FBXW8: variants seen among roughly 807,000 people sequenced by gnomAD.
FBXW8 encodes F-box and WD repeat domain containing 8.
Under a neutral mutation model 65.3 loss-of-function variants are expected in FBXW8, and 57 were observed. The observed-to-expected ratio is 0.87, with a 90% CI of 0.71 to 1.09. The LOEUF is 1.09. Ranked by LOEUF, FBXW8 falls within the 50% of genes least tolerant of loss-of-function variation. The pLI is 0.00. For synonymous variants in FBXW8, 308 were observed against 330.2 expected (o/e 0.93, Z 0.73); for missense variants, 777 against 814.8 (o/e 0.95, Z 0.57).
intron 8 of FBXW8, among the ~76,000 whole-genome samples, chr12:117,010,677 C>A (rs1370365142): frequency 2.6e-5 from 4 of 152,222 alleles, no homozygotes; most frequent in Non-Finnish European, 5.9e-5. Flanking sequence ...GGAAGGTTTT[C>A]TTTTAAGCCA....
At chr12:116,969,692 C>T (rs961429058) in intron 5 of FBXW8, among the ~76,000 whole-genome samples, 2 of 151,662 alleles carry the variant, frequency 1.3e-5, no homozygotes, top group Admixed American at 6.6e-5. Context: ...ATTGAAACGC[C>T]CTCGCTGGTC....
At chr12:116,967,261 A>G (rs1452168772) in intron 5 of FBXW8, among the ~76,000 whole-genome samples, 1 of 151,586 alleles carries the variant, frequency 6.6e-6, no homozygotes, top group Non-Finnish European at 1.5e-5. Flanking sequence ...GTAGTACTGC[A>G]TTATGTGGCT....
intron 7 of FBXW8, among the ~76,000 whole-genome samples, chr12:116,996,918 G>A (rs1026674668): frequency 2.2e-4 from 34 of 152,162 alleles, no homozygotes; most frequent in Non-Finnish European, 1.9e-4. Flanking sequence ...GCGACTTGGC[G>A]ATGTAAAGGA....
intron 8 of FBXW8, among the ~76,000 whole-genome samples, chr12:117,016,821 A>G (rs916330327): frequency 6.6e-6 from 1 of 152,208 alleles, no homozygotes; most frequent in African/African-American, 2.4e-5. Context: ...GGTGTGAGGT[A>G]GAGACCTAAA....
chr12:116,949,400 G>A (rs1883125321), intron 3 of FBXW8: 1 of 559,694 alleles, frequency 1.8e-6, no homozygotes, highest in Non-Finnish European at 3.2e-6. Flanking sequence ...CTGTGTCCTC[G>A]AGTTCAGTGC....
rs373302070 is a variant in FBXW8 at position 116,922,654 on chromosome 12, T to G, written c.319-5369T>G. Among the ~76,000 whole-genome samples the G allele has an allele frequency of 8.4e-4, 128 of 152,340 alleles. No homozygotes were observed. In the East Asian group the frequency reaches 0.018, roughly 22 times the overall value. ...ATCCATTTACAGAATTAGTCTTACATTAGCACATAGGAATACAAATCAGCC... is the reference window on the plus strand; with the variant it reads ...ATCCATTTACAGAATTAGTCTTACAGTAGCACATAGGAATACAAATCAGCC... On this transcript the variant is annotated intron_variant, in intron 1 of 10. Coordinates refer to ENST00000652555, the MANE Select transcript of FBXW8 (RefSeq NM_153348.3).
rs201378141 is a variant in FBXW8, at chr12:116,992,444, CTA to C, written c.1239+3577_1239+3578del. On this transcript the variant is annotated intron_variant, in intron 7 of 10. Transcript: ENST00000652555. ...AGTTTTGTTTTTTTTTTAATTCGTT[CTA>C]TTTCAGTAGCTTTAGAGGGGTAGAA... 3.0e-3 allele frequency among the ~76,000 whole-genome samples: 430 copies of C among 144,926 alleles called. 8 individuals are homozygous for C. The highest frequency in any genetic ancestry group is 0.024 in the Admixed American group (345 of 14,678).
intron 3 of FBXW8, 21 bp from the exon 4 acceptor site, chr12:116,949,597 A>G (rs1218934582): frequency 1.2e-6 from 2 of 1,612,878 alleles, no homozygotes; most frequent in East Asian, 2.2e-5. Flanking sequence ...TCTAAACTGC[A>G]TCCCCCTTTT....
intron 5 of FBXW8, chr12:116,978,641 G>T (rs561374456): frequency 1.3e-5 from 2 of 152,300 alleles, no homozygotes; most frequent in South Asian, 4.1e-4. Flanking sequence ...AGCTCAAGAG[G>T]ATGGGAGCTC....
chr12:116,935,935 T>C (rs773988379), intron 2 of FBXW8, among the ~76,000 whole-genome samples: 2 of 152,248 alleles, frequency 1.3e-5, no homozygotes, highest in African/African-American at 4.8e-5. Flanking sequence ...TGGTTATTTA[T>C]ATAGAGCTGA....
At chr12:116,970,471 A>C (rs1272817408) in intron 5 of FBXW8, among the ~76,000 whole-genome samples, 2 of 152,116 alleles carry the variant, frequency 1.3e-5, no homozygotes, top group African/African-American at 4.8e-5. Flanking sequence ...ATGATTTCTC[A>C]TTTACTGACG....
At chr12:116,943,002 C>A (rs1431298609) in intron 2 of FBXW8, among the ~76,000 whole-genome samples, 1 of 151,994 alleles carries the variant, frequency 6.6e-6, no homozygotes, top group Non-Finnish European at 1.5e-5. Flanking sequence ...TGGTCTGAAT[C>A]TCCTGACCTG....
At chr12:116,932,037 G>GT (rs1286631390) in intron 2 of FBXW8, among the ~76,000 whole-genome samples, 1 of 152,072 alleles carries the variant, frequency 6.6e-6, no homozygotes, top group Non-Finnish European at 1.5e-5. Context: ...TTTATTAAGA[G>GT]TTTTTATCAT....
chr12:116,949,305 C>G (rs1335548437), intron 3 of FBXW8: 6 of 321,272 alleles, frequency 1.9e-5, no homozygotes, highest in Non-Finnish European at 2.3e-5. Flanking sequence ...ACATGCCAGC[C>G]TATTGTGGAT....
At chr12:116,927,052 A>G (rs1881382318) in intron 1 of FBXW8, among the ~76,000 whole-genome samples, 1 of 152,202 alleles carries the variant, frequency 6.6e-6, no homozygotes, top group Non-Finnish European at 1.5e-5. Flanking sequence ...GCCAAAGCTT[A>G]TTAAAAATGG....
intron 1 of FBXW8, among the ~76,000 whole-genome samples, chr12:116,917,638 T>C (rs1880535034): frequency 6.6e-6 from 1 of 152,188 alleles, no homozygotes; most frequent in Admixed American, 6.5e-5. Context: ...CAGTGCTGCC[T>C]TGGAGTGTCA....
At chr12:116,924,887 T>TA (rs1287107437) in intron 1 of FBXW8, among the ~76,000 whole-genome samples, 1 of 152,214 alleles carries the variant, frequency 6.6e-6, no homozygotes, top group Non-Finnish European at 1.5e-5. Context: ...ATGAATTAGT[T>TA]ACTAAACCTT....
intron 4 of FBXW8, among the ~76,000 whole-genome samples, chr12:116,954,810 C>G (rs1320607489): frequency 1.3e-5 from 2 of 152,138 alleles, no homozygotes; most frequent in Admixed American, 6.5e-5. Context: ...CAAACCATCC[C>G]TGCCATCTTC....
chr12:116,988,041 C>G (rs1953137982), intron 6 of FBXW8, among the ~76,000 whole-genome samples: 1 of 152,214 alleles, frequency 6.6e-6, no homozygotes, highest in African/African-American at 2.4e-5. Flanking sequence ...ATGCTTCCCT[C>G]TAGGACTGCA....
Sources: allele counts gnomAD v4.1 joint callset (sites outside exome capture counted in the v4.1 genomes callset), GRCh38; gene constraint gnomAD v4.1.1; transcripts MANE v1.5; gene names NCBI Gene and HGNC (gene_info 2026-07-23, HGNC 2026-07-21).